The following ACAT1 variants were observed in gnomAD, a reference collection of about 807,000 sequenced individuals.
The protein encoded by ACAT1 is acetyl-CoA acetyltransferase 1.
A neutral mutation model predicts 47.3 loss-of-function variants in ACAT1; 28 were observed. That is an observed-to-expected ratio of 0.59 (90% CI 0.44 to 0.81). The LOEUF (loss-of-function observed/expected upper bound fraction) is 0.81. ACAT1 is among the 30% of genes least tolerant of loss of function. The pLI is 0.00. For missense variants in ACAT1, 469 were observed against 524.3 expected, an observed-to-expected ratio of 0.89 and a Z score of 1.03; for synonymous variants, 181 against 173.6, an observed-to-expected ratio of 1.04 and a Z score of -0.34.
At chr11:108,125,210 GGA>G in intron 1 of ACAT1, among the ~76,000 whole-genome samples, 1 of 152,210 alleles carries the variant, frequency 6.6e-6, no homozygotes, top group East Asian at 1.9e-4. Context: ...CGGGCGTTGT[GGA>G]AGCTGAGATA....
In ACAT1 at chr11:108,126,464, A is replaced by C. The variant is rs1418853352; in HGVS notation, c.72+4786A>C. Among the ~76,000 whole-genome samples the C allele has an allele frequency of 3.3e-5, 5 of 152,222 alleles. 1 individual carries two copies. Among genetic ancestry groups the C allele is most frequent in the Non-Finnish European group, 7.3e-5 (5 of 68,040 alleles). ...TGCAGGTTCTTGGAGGATGAGGTAA[A>C]GAATTTGTATATAATTCCAAGAGCA... On this transcript the variant is annotated intron_variant, in intron 1 of 11. Transcript: ENST00000265838.
intron 8 of ACAT1, 68 bp from the exon 9 acceptor site, chr11:108,142,369 T>A: frequency 8.3e-7 from 1 of 1,207,236 alleles, no homozygotes; most frequent in Non-Finnish European, 1.2e-6. Context: ...AATAGGTATT[T>A]GTTGAATTGA....
chr11:108,135,114 T>C, intron 4 of ACAT1, 28 bp from the exon 5 acceptor site: 1 of 1,545,960 alleles, frequency 6.5e-7, no homozygotes, highest in Non-Finnish European at 8.9e-7. Context: ...AGTATCGGTT[T>C]TTCAAAAGTG....
rs1469248513 is a variant in ACAT1 at position 108,131,933 on chromosome 11, T to C, written c.99T>C (p.Tyr33=). 1.3e-6 allele frequency: 2 copies of C among 1,499,590 alleles called. No individual in the cohort carries two copies. Among genetic ancestry groups the C allele is most frequent in the African/African-American group, 1.4e-5 (1 of 72,690 alleles). 92.9% of individuals were successfully genotyped at this position (1,499,590 alleles called of 1,614,324 possible). A position where few individuals can be genotyped will look rare whatever the true frequency, so the allele number is the denominator to read the frequency against. Reference sequence around the variant, plus strand: ...AAATAAGATATGTGGAACGGAGTTATGTATCAAAACCCACTTTGAAGGTAA... The same window carrying C: ...AAATAAGATATGTGGAACGGAGTTACGTATCAAAACCCACTTTGAAGGTAA... ...VQEIRYVERS[Y]VSKPTLKEVV... The change falls in exon 2 of 12, where the codon TAT becomes TAC. Residue 33 remains tyrosine, a synonymous_variant. Transcript: ENST00000265838.
Position 108,142,474 on chromosome 11 carries a change from T to C in ACAT1, c.864T>C (p.Asp288=), listed in dbSNP as rs747272327. The C allele has an allele frequency of 9.9e-6, 16 of 1,614,086 alleles. No homozygotes were observed. Among genetic ancestry groups the C allele is most frequent in the Middle Eastern group, 3.3e-4 (2 of 6,084 alleles). Residue 288 remains aspartate (D), a synonymous_variant, in exon 9 of 12, where the codon GAT becomes GAC. Coordinates refer to ENST00000265838, the MANE Select transcript of ACAT1 (RefSeq NM_000019.4). ...VTAANASTLN[D]GAAALVLMTA... Reference sequence around the variant, plus strand: ...CTGCCAATGCCAGTACACTGAATGATGGAGCAGCTGCTCTGGTTCTCATGA... The same window carrying C: ...CTGCCAATGCCAGTACACTGAATGACGGAGCAGCTGCTCTGGTTCTCATGA...
intron 8 of ACAT1, 91 bp downstream of exon 8, chr11:108,141,791 GAAAAC>G: frequency 1.6e-6 from 1 of 612,172 alleles, no homozygotes; most frequent in Non-Finnish European, 2.7e-6. Context: ...AAAAATTCTA[GAAAAC>G]ATCTAGATGT....
In ACAT1 at chr11:108,141,691, A is replaced by G; in HGVS notation, c.817A>G (p.Lys273Glu). The G allele has an allele frequency of 1.2e-6, 2 of 1,611,546 alleles. No homozygotes were observed. The highest frequency in any genetic ancestry group is 1.7e-6 in the Non-Finnish European group (2 of 1,177,950). ...KVPKLKTVFQ[K>E]ENGTVTAANA... Reference sequence around the variant, plus strand: ...TCCAAAGCTGAAGACAGTTTTCCAGAAAGAAAATGGTTAGTGTTAAGAAAT... The same window carrying G: ...TCCAAAGCTGAAGACAGTTTTCCAGGAAGAAAATGGTTAGTGTTAAGAAAT... The change falls in exon 8 of 12, where the codon AAA becomes GAA. Residue 273 changes from lysine (K) to glutamate (E), a missense_variant. Coordinates refer to ENST00000265838, the MANE Select transcript of ACAT1 (RefSeq NM_000019.4).
chr11:108,121,574 G>C lies in ACAT1; in HGVS notation c.-33G>C, dbSNP rs751838024. The C allele has an allele frequency of 6.5e-7, 1 of 1,548,214 alleles. No homozygotes were observed. Among genetic ancestry groups the C allele is most frequent in the Non-Finnish European group, 8.7e-7 (1 of 1,145,258 alleles). ...GTTGGGGAGGAGGCCGCTAGTCTACGCCTGTGGAGCCGATACTCAGCCCTC... is the reference window on the plus strand; with the variant it reads ...GTTGGGGAGGAGGCCGCTAGTCTACCCCTGTGGAGCCGATACTCAGCCCTC... On this transcript the variant is annotated 5_prime_UTR_variant, in exon 1 of 12. Coordinates refer to ENST00000265838, the MANE Select transcript of ACAT1 (RefSeq NM_000019.4).
chr11:108,143,956 AACC>A, intron 9 of ACAT1, 24 bp from the exon 10 acceptor site: 2 of 843,504 alleles, frequency 2.4e-6, no homozygotes, highest in Non-Finnish European at 3.5e-6. Flanking sequence ...AGATTTTAAC[AACC>A]CCCCCCCCCC....
intron 1 of ACAT1, among the ~76,000 whole-genome samples, chr11:108,122,787 T>A (rs926511688): frequency 1.3e-5 from 2 of 152,076 alleles, no homozygotes; most frequent in East Asian, 3.8e-4. Context: ...GTTAGTCTCA[T>A]GGGATGAGTG....
intron 1 of ACAT1, among the ~76,000 whole-genome samples, chr11:108,130,763 A>G (rs947501409): frequency 6.8e-6 from 1 of 146,616 alleles, no homozygotes; most frequent in African/African-American, 2.5e-5. Flanking sequence ...TAATTAATCT[A>G]TTTATTATGG....
intron 2 of ACAT1, among the ~76,000 whole-genome samples, chr11:108,132,191 C>T (rs1183755837): frequency 6.6e-6 from 1 of 152,158 alleles, no homozygotes; most frequent in Admixed American, 6.6e-5. Flanking sequence ...AACATTCCCT[C>T]TAGAACTGGG....
chr11:108,120,541 T>TA (rs35081401), upstream of ACAT1, among the ~76,000 whole-genome samples: 7 of 149,202 alleles, frequency 4.7e-5, no homozygotes, highest in Admixed American at 1.3e-4. Context: ...GACCCTATCT[T>TA]AAAAAAAAAA....
At chr11:108,116,973 C>T (rs1864962744), upstream of ACAT1, among the ~76,000 whole-genome samples, 1 of 152,068 alleles carries the variant, frequency 6.6e-6, no homozygotes, top group Non-Finnish European at 1.5e-5. Flanking sequence ...TCTTAGGAAA[C>T]AAATACAGAT....
intron 1 of ACAT1, among the ~76,000 whole-genome samples, chr11:108,129,401 C>T (rs1462477749): frequency 6.6e-6 from 1 of 151,982 alleles, no homozygotes; most frequent in Non-Finnish European, 1.5e-5. Flanking sequence ...TGGAGTCTTG[C>T]TCTGTCGCCC....
chr11:108,142,377 T>C, intron 8 of ACAT1, 60 bp from the exon 9 acceptor site: 1 of 1,331,818 alleles, frequency 7.5e-7, no homozygotes, highest in Non-Finnish European at 1.1e-6. Flanking sequence ...TTTGTTGAAT[T>C]GAACCAAATA....
At chr11:108,139,879 C>G in intron 6 of ACAT1, 186 bp from the exon 7 acceptor site, 1 of 593,968 alleles carries the variant, frequency 1.7e-6, no homozygotes, top group South Asian at 2.0e-5. Flanking sequence ...TCTTGATCTC[C>G]TGACCTCATG....
Position 108,121,666 on chromosome 11 carries a change from G to C in ACAT1, c.60G>C (p.Arg20=), listed in dbSNP as rs77311724. ...SGARSRSPLL[R]RLVQEIRYVE... is the part of the protein sequence containing the mutation. ...CCCGCAGCCGCAGCCCCCTGCTCCG[G>C]AGGCTGGTGCAGGTGAGCGGGGTTC... The change falls in exon 1 of 12, where the codon CGG becomes CGC. Residue 20 remains arginine, a synonymous_variant. Coordinates refer to ENST00000265838, the MANE Select transcript of ACAT1 (RefSeq NM_000019.4). The C allele has an allele frequency of 3.9e-4, 597 of 1,549,022 alleles. 3 individuals are homozygous for C. In the African/African-American group the frequency reaches 7.4e-3, roughly 19 times the overall value.
At chr11:108,118,726 G>C (rs1300578538), upstream of ACAT1, among the ~76,000 whole-genome samples, 1 of 152,180 alleles carries the variant, frequency 6.6e-6, no homozygotes, top group African/African-American at 2.4e-5. Flanking sequence ...TGCTCATATT[G>C]GTGATAAAGC....
Sources: gnomAD v4.1 joint callset for allele counts (sites outside exome capture counted in the v4.1 genomes callset) on GRCh38, gnomAD v4.1.1 for gene constraint, MANE v1.5 for transcripts, NCBI Gene and HGNC (gene_info 2026-07-23, HGNC 2026-07-21) for gene names.